The following RGS8 variants were observed in gnomAD, a reference collection of about 807,000 sequenced individuals.
RGS8 encodes the protein regulator of G-protein signaling 8.
A neutral mutation model predicts 21.7 loss-of-function variants in RGS8; 8 were observed. That is an observed-to-expected ratio of 0.37 (90% confidence interval 0.22 to 0.66). The LOEUF is 0.66. Ranked by LOEUF, RGS8 falls within the 30% of genes least tolerant of loss-of-function variation. RGS8 has a pLI of 0.59. For missense variants in RGS8, 157 were observed against 217.9 expected (o/e 0.72, Z 1.76); for synonymous variants, 80 against 83.6 (o/e 0.96, Z 0.24).
chr1:182,724,201 GATATATATATATATAT>G, the RGS8 span, among the ~76,000 whole-genome samples: 1,381 of 42,134 alleles, frequency 0.033, 55 homozygotes, highest in Non-Finnish European at 0.043. Flanking sequence ...GGCTAGACTG[GATATATATATATATAT>G]ATATATATAT....
the RGS8 span, among the ~76,000 whole-genome samples, chr1:182,723,788 T>C: frequency 3.3e-5 from 5 of 152,184 alleles, no homozygotes; most frequent in African/African-American, 1.2e-4. Flanking sequence ...TTCCTTTGTA[T>C]GCCTTAATTC....
chr1:182,737,914 G>A, the RGS8 span, among the ~76,000 whole-genome samples: 1 of 152,200 alleles, frequency 6.6e-6, no homozygotes, highest in Non-Finnish European at 1.5e-5. Flanking sequence ...GTTGAACTTG[G>A]AAGCAGGCTT....
At chr1:182,690,115 G>A in the RGS8 span, among the ~76,000 whole-genome samples, 4 of 151,858 alleles carry the variant, frequency 2.6e-5, no homozygotes, top group African/African-American at 7.3e-5. Flanking sequence ...TATGCCACAG[G>A]GTCTTTTCCT....
At chr1:182,686,102 C>A (rs564671948), upstream of RGS8, among the ~76,000 whole-genome samples, 2 of 152,040 alleles carry the variant, frequency 1.3e-5, no homozygotes, top group Non-Finnish European at 2.9e-5. Context: ...CAAGCAGAGT[C>A]GACTGGGCTA....
intron 5 of RGS8, among the ~76,000 whole-genome samples, chr1:182,649,199 T>C (rs1428919872): frequency 6.6e-6 from 1 of 152,238 alleles, no homozygotes; most frequent in African/African-American, 2.4e-5. Flanking sequence ...CTGGGTCTAC[T>C]GGTGAGCTAT....
rs914295369 is a variant in RGS8 at position 182,652,243 on chromosome 1, G to A, written c.194-3940C>T. Among the ~76,000 whole-genome samples the A allele has an allele frequency of 3.3e-5, 5 of 152,144 alleles. No homozygotes were observed. In the East Asian group the frequency reaches 7.7e-4, roughly 23 times the overall value. Reference sequence around the variant, plus strand: ...ACAGAAACAGGTGCTTATGAGCAAGGTGAATGCAGTTATGAACAAGGAAAG... The same window carrying A: ...ACAGAAACAGGTGCTTATGAGCAAGATGAATGCAGTTATGAACAAGGAAAG... On this transcript the variant is annotated intron_variant, in intron 5 of 6. Coordinates refer to ENST00000483095, the Ensembl canonical transcript of RGS8.
the RGS8 span, among the ~76,000 whole-genome samples, chr1:182,735,549 T>C: frequency 6.6e-6 from 1 of 151,372 alleles, no homozygotes; most frequent in African/African-American, 2.4e-5. Context: ...CAGGAAAGAG[T>C]TGGAGATAGA....
downstream of RGS8, chr1:182,644,826 C>A (rs1420620036): frequency 6.6e-6 from 1 of 152,032 alleles, no homozygotes; most frequent in Non-Finnish European, 1.5e-5. Context: ...GTTTTTTTAA[C>A]CACGGTTGGG....
At chr1:182,742,035 G>A in the RGS8 span, among the ~76,000 whole-genome samples, 4 of 147,392 alleles carry the variant, frequency 2.7e-5, no homozygotes, top group Non-Finnish European at 3.0e-5. Flanking sequence ...CGGGGCGTCC[G>A]GGCAGAGACG....
At chr1:182,734,013 C>A in the RGS8 span, among the ~76,000 whole-genome samples, 1 of 151,926 alleles carries the variant, frequency 6.6e-6, no homozygotes, top group Admixed American at 6.6e-5. Context: ...CTCCGCCTCC[C>A]ACAGTCAAGC....
upstream of RGS8, among the ~76,000 whole-genome samples, chr1:182,672,408 C>A (rs1409948658): frequency 6.6e-6 from 1 of 152,042 alleles, no homozygotes; most frequent in Admixed American, 6.6e-5. Context: ...AATTCCACCC[C>A]CTTTCTCTCA....
chr1:182,710,210 T>A, the RGS8 span, among the ~76,000 whole-genome samples: 2 of 152,090 alleles, frequency 1.3e-5, no homozygotes, highest in African/African-American at 4.8e-5. Flanking sequence ...ACAAATAAGG[T>A]CCCCTGGCCA....
the RGS8 span, among the ~76,000 whole-genome samples, chr1:182,695,228 A>G: frequency 1.3e-5 from 2 of 152,218 alleles, no homozygotes; most frequent in Non-Finnish European, 2.9e-5. Flanking sequence ...GTCTTTTTTC[A>G]TATTGACTCT....
At chr1:182,721,869 A>G in the RGS8 span, among the ~76,000 whole-genome samples, 3 of 152,242 alleles carry the variant, frequency 2.0e-5, no homozygotes, top group Non-Finnish European at 4.4e-5. Flanking sequence ...AATTCTTCCA[A>G]TCACATGTAT....
chr1:182,665,708 C>T (rs1663823638), intron 5 of RGS8, among the ~76,000 whole-genome samples: 1 of 152,174 alleles, frequency 6.6e-6, no homozygotes, highest in Non-Finnish European at 1.5e-5. Flanking sequence ...CTCTCTCTTG[C>T]TAAAACTGCT....
the RGS8 span, among the ~76,000 whole-genome samples, chr1:182,732,666 C>A: frequency 1.3e-5 from 2 of 152,142 alleles, no homozygotes. Flanking sequence ...AGCATCTGAG[C>A]CAGAAACAAT....
At chr1:182,671,916 G>A in exon 1 of RGS8, 1 of 1,455,234 alleles carries the variant, frequency 6.9e-7, no homozygotes, top group East Asian at 2.5e-5. Flanking sequence ...GTCACATCCA[G>A]TAAATACTGA....
chr1:182,706,518 G>A, the RGS8 span, among the ~76,000 whole-genome samples: 1 of 152,026 alleles, frequency 6.6e-6, no homozygotes, highest in Non-Finnish European at 1.5e-5. Context: ...CCAGGCTGGA[G>A]TACAGTGGTA....
chr1:182,694,192 C>A, the RGS8 span, among the ~76,000 whole-genome samples: 7 of 151,870 alleles, frequency 4.6e-5, no homozygotes, highest in East Asian at 1.4e-3. Flanking sequence ...TTTGGTCAAC[C>A]TTTCTTTACC....
Sources: allele counts gnomAD v4.1 joint callset (sites outside exome capture counted in the v4.1 genomes callset), GRCh38; gene constraint gnomAD v4.1.1; transcripts MANE v1.5; gene names NCBI Gene and HGNC (gene_info 2026-07-23, HGNC 2026-07-21).